Variants in ITGAV observed in about 807,000 individuals in gnomAD.
ITGAV encodes integrin subunit alpha V, also known as integrin alpha-V.
Under a neutral mutation model 143.8 loss-of-function variants are expected in ITGAV, and 76 were observed. The observed-to-expected ratio is 0.53, with a 90% confidence interval of 0.44 to 0.64. ITGAV has a LOEUF of 0.64. ITGAV is among the 30% of genes least tolerant of loss of function. ITGAV has a pLI of 0.00. For missense variants in ITGAV, 1,193 were observed against 1,274.7 expected, an observed-to-expected ratio of 0.94 and a Z score of 0.98; for synonymous variants, 453 against 446.7, an observed-to-expected ratio of 1.01 and a Z score of -0.18.
intron 2 of ITGAV, 90 bp from the exon 3 acceptor site, chr2:186,622,249 C>G: frequency 1.2e-6 from 1 of 843,964 alleles, no homozygotes; most frequent in Non-Finnish European, 1.9e-6. Flanking sequence ...CAAAGGTGTA[C>G]TATTTCTCAA....
intron 26 of ITGAV, among the ~76,000 whole-genome samples, chr2:186,675,248 A>G (rs1243392857): frequency 2.0e-5 from 3 of 152,302 alleles, no homozygotes; most frequent in Admixed American, 6.5e-5. Flanking sequence ...TGGTTATTAT[A>G]TCTTACAAAT....
In ITGAV at chr2:186,663,761, T is replaced by G. The variant is rs757178589; in HGVS notation, c.1858-7T>G. ...TTCATGTAGAAAAATAAAATGTTTT[T>G]TTCTAGGCTCACATTCTACTTGACT... On this transcript the variant is annotated splice_region_variant and splice_polypyrimidine_tract_variant and intron_variant, in intron 18 of 29. Transcript: ENST00000261023. 6.2e-7 allele frequency: 1 copy of G among 1,609,310 alleles called. No individual in the cohort carries two copies. The highest frequency in any genetic ancestry group is 1.1e-5 in the South Asian group (1 of 90,716).
intron 28 of ITGAV, among the ~76,000 whole-genome samples, chr2:186,676,574 ACT>A (rs1559071876): frequency 6.6e-6 from 1 of 152,084 alleles, no homozygotes; most frequent in African/African-American, 2.4e-5. Context: ...ACTGGGCGAG[ACT>A]CTGTCAAAAA....
chr2:186,602,231 A>G, intron 2 of ITGAV, 80 bp downstream of exon 2: 2 of 1,151,116 alleles, frequency 1.7e-6, no homozygotes. Context: ...AAATGTAGCC[A>G]TTTAATACAA....
intron 4 of ITGAV, among the ~76,000 whole-genome samples, chr2:186,626,279 A>T (rs1041561842): frequency 6.6e-6 from 1 of 152,224 alleles, no homozygotes; most frequent in African/African-American, 2.4e-5. Flanking sequence ...TCAAGCAATT[A>T]TAATTTTGAT....
chr2:186,618,301 A>G (rs1449367499), intron 2 of ITGAV, among the ~76,000 whole-genome samples: 2 of 152,232 alleles, frequency 1.3e-5, no homozygotes, highest in Non-Finnish European at 2.9e-5. Flanking sequence ...GCACTGGATG[A>G]TGTTATTCTT....
Position 186,646,645 on chromosome 2 carries a change from T to C in ITGAV, c.1160-41T>C, listed in dbSNP as rs940097262. 3.4e-6 allele frequency: 5 copies of C among 1,467,230 alleles called. No individual in the cohort carries two copies. In the Admixed American group the frequency reaches 7.4e-5, roughly 22 times the overall value. 90.9% of individuals were successfully genotyped at this position (1,467,230 alleles called of 1,614,324 possible). The stretch of plus-strand genomic sequence containing the variant: ...TTCCCTTTCTTTTCCTCCTCCTTAC[T>C]TCTGTCATTCTCCTTCCCCCTCCTC... On this transcript the variant is annotated intron_variant, in intron 12 of 29. Transcript: ENST00000261023.
intron 16 of ITGAV, among the ~76,000 whole-genome samples, chr2:186,654,976 C>A (rs1025458173): frequency 6.6e-6 from 1 of 152,006 alleles, no homozygotes; most frequent in East Asian, 1.9e-4. Flanking sequence ...TAAGCAGTTA[C>A]GAATGTGACA....
intron 13 of ITGAV, among the ~76,000 whole-genome samples, chr2:186,648,918 AT>A (rs1225093598): frequency 1.5e-4 from 22 of 149,064 alleles, no homozygotes; most frequent in Non-Finnish European, 3.0e-5. Context: ...ATTTGTGTGT[AT>A]ATATATATAC....
intron 2 of ITGAV, among the ~76,000 whole-genome samples, chr2:186,613,044 G>A (rs1211927063): frequency 1.3e-5 from 2 of 151,530 alleles, no homozygotes; most frequent in Admixed American, 6.6e-5. Flanking sequence ...AATGTTTTCA[G>A]TATTTTACTG....
chr2:186,646,784 A>C lies in ITGAV; in HGVS notation c.1258A>C (p.Ile420Leu). 1 of 1,613,354 alleles carries C rather than the reference A, an allele frequency of 6.2e-7. No homozygotes were observed. The highest frequency in any genetic ancestry group is 1.1e-5 in the South Asian group (1 of 90,912). Residue 420 changes from isoleucine to leucine, a missense_variant, in exon 13 of 30, where the codon ATC becomes CTC. Coordinates refer to ENST00000261023, the MANE Select transcript of ITGAV (RefSeq NM_002210.5). Reference protein sequence around the residue: ...STGLNAVPSQILEGQWAARSM... With the variant: ...STGLNAVPSQLLEGQWAARSM... The stretch of plus-strand genomic sequence containing the variant: ...AGGCTTGAACGCAGTCCCATCTCAA[A>C]TCCTTGAAGGGCAGTGGGCTGCTCG...
chr2:186,668,624 T>G, intron 24 of ITGAV, 138 bp from the exon 25 acceptor site: 1 of 685,540 alleles, frequency 1.5e-6, no homozygotes, highest in Non-Finnish European at 2.5e-6. Flanking sequence ...AATGGTCACA[T>G]TGTAATTAGA....
In ITGAV at chr2:186,601,953, C is replaced by T; in HGVS notation, c.186-68C>T. On this transcript the variant is annotated intron_variant, in intron 1 of 29. Transcript: ENST00000261023. ...TAATATCAAGAGAATGATTGCTCCT[C>T]ATAAATCAGAAGATATTGCTTACAC... 3 of 1,473,768 alleles carry T rather than the reference C, an allele frequency of 2.0e-6. No homozygotes were observed. The South Asian group carries it at 4.1e-5, about 20-fold the overall frequency. The allele number at this position is 1,473,768 out of a possible 1,614,324, so 91.3% of individuals were successfully genotyped here.
In ITGAV at chr2:186,649,804, T is replaced by C. The variant is rs372039847; in HGVS notation, c.1352-36T>C. On this transcript the variant is annotated intron_variant, in intron 13 of 29. Coordinates refer to ENST00000261023, the MANE Select transcript of ITGAV (RefSeq NM_002210.5). Reference sequence around the variant, plus strand: ...ATGGTATATACATTTTAAAAACCATTATCATTATTAACATGTTTTTCCACT... The same window carrying C: ...ATGGTATATACATTTTAAAAACCATCATCATTATTAACATGTTTTTCCACT... The C allele has an allele frequency of 1.1e-5, 16 of 1,419,968 alleles. No homozygotes were observed. The African/African-American group carries it at 2.3e-4, about 20-fold the overall frequency. The allele number at this position is 1,419,968 out of a possible 1,614,324, so 88.0% of individuals were successfully genotyped here. A position where few individuals can be genotyped will look rare whatever the true frequency, so the allele number is the denominator to read the frequency against.
chr2:186,675,134 A>G (rs1689172608), intron 26 of ITGAV, among the ~76,000 whole-genome samples: 1 of 152,194 alleles, frequency 6.6e-6, no homozygotes, highest in Non-Finnish European at 1.5e-5. Flanking sequence ...TGATTAAAAC[A>G]TTAAATGTGT....
Position 186,625,399 on chromosome 2 carries a change from G to A in ITGAV, c.409-74G>A, listed in dbSNP as rs1687643990. 20 of 845,462 alleles carry A rather than the reference G, an allele frequency of 2.4e-5. No homozygotes were observed. The East Asian group carries it at 5.1e-4, about 21-fold the overall frequency. 52.4% of individuals were successfully genotyped at this position (845,462 alleles called of 1,614,324 possible). A position where few individuals can be genotyped will look rare whatever the true frequency, so the allele number is the denominator to read the frequency against. On this transcript the variant is annotated intron_variant, in intron 3 of 29. Transcript: ENST00000261023. Reference sequence around the variant, plus strand: ...AAAAGAGAAAGTGGTATTATATTCTGAAGTAGTATAGAGCATCTGAAACAC... The same window carrying A: ...AAAAGAGAAAGTGGTATTATATTCTAAAGTAGTATAGAGCATCTGAAACAC...
intron 10 of ITGAV, among the ~76,000 whole-genome samples, chr2:186,639,809 G>A (rs555910341): frequency 2.8e-4 from 42 of 152,282 alleles, no homozygotes; most frequent in African/African-American, 1.0e-3. Flanking sequence ...GACAAAGTGT[G>A]TCTCAGTAAA....
At chr2:186,591,433 G>C (rs969758761) in intron 1 of ITGAV, among the ~76,000 whole-genome samples, 5 of 152,002 alleles carry the variant, frequency 3.3e-5, no homozygotes, top group African/African-American at 1.2e-4. Flanking sequence ...AATGTTGACT[G>C]TTTTTTTAAT....
intron 2 of ITGAV, among the ~76,000 whole-genome samples, chr2:186,615,315 A>T (rs1461492715): frequency 6.6e-6 from 1 of 152,120 alleles, no homozygotes; most frequent in Non-Finnish European, 1.5e-5. Flanking sequence ...TCTTGTATAG[A>T]TGTCTAGGAG....
Sources: allele counts gnomAD v4.1 joint callset (sites outside exome capture counted in the v4.1 genomes callset), GRCh38; gene constraint gnomAD v4.1.1; transcripts MANE v1.5; gene names NCBI Gene and HGNC (gene_info 2026-07-23, HGNC 2026-07-21).